TNFAIP8: variants seen among roughly 807,000 people sequenced by gnomAD.
TNFAIP8 encodes tumor necrosis factor alpha-induced protein 8.
A neutral mutation model predicts 13.3 loss-of-function variants in TNFAIP8; 7 were observed. The observed-to-expected ratio is 0.52, with a 90% CI of 0.30 to 0.99. TNFAIP8 has a LOEUF of 0.99. Ranked by LOEUF, TNFAIP8 falls within the 50% of genes least tolerant of loss-of-function variation. The pLI is 0.07. For missense variants in TNFAIP8, 258 were observed against 236.9 expected (o/e 1.09, Z -0.58); for synonymous variants, 94 against 87.6 (o/e 1.07, Z -0.41).
At chr5:119,345,297 A>G (rs1305763839) in intron 1 of TNFAIP8, among the ~76,000 whole-genome samples, 1 of 152,250 alleles carries the variant, frequency 6.6e-6, no homozygotes. Flanking sequence ...ATAAACAAGT[A>G]TTAGCTAGGA....
chr5:119,269,087 C>A (rs1748183816), intron 1 of TNFAIP8, among the ~76,000 whole-genome samples: 1 of 152,208 alleles, frequency 6.6e-6, no homozygotes, highest in African/African-American at 2.4e-5. Flanking sequence ...CGAGTGTGTG[C>A]AGGAGCGCAC....
At chr5:119,301,427 A>T (rs1042951770) in intron 1 of TNFAIP8, among the ~76,000 whole-genome samples, 2 of 152,090 alleles carry the variant, frequency 1.3e-5, no homozygotes, top group African/African-American at 4.8e-5. Flanking sequence ...ATCATCTCCT[A>T]TGGGAAGCCT....
chr5:119,386,107 G>A (rs1169769859), intron 1 of TNFAIP8, among the ~76,000 whole-genome samples: 1 of 152,114 alleles, frequency 6.6e-6, no homozygotes, highest in Non-Finnish European at 1.5e-5. Flanking sequence ...GAACACTAGT[G>A]CATTAAAGGT....
chr5:119,309,238 G>A (rs1420133623), intron 1 of TNFAIP8, among the ~76,000 whole-genome samples: 1 of 152,214 alleles, frequency 6.6e-6, no homozygotes, highest in Non-Finnish European at 1.5e-5. Context: ...AAGATGAAAT[G>A]TGGTCACTTG....
chr5:119,362,495 TC>T (rs1432824039), intron 1 of TNFAIP8, among the ~76,000 whole-genome samples: 1 of 152,120 alleles, frequency 6.6e-6, no homozygotes, highest in African/African-American at 2.4e-5. Flanking sequence ...AAGTTCAGTT[TC>T]CCCATTGGAA....
chr5:119,329,796 C>CA (rs541611657), intron 1 of TNFAIP8, among the ~76,000 whole-genome samples: 41 of 151,680 alleles, frequency 2.7e-4, no homozygotes, highest in East Asian at 1.4e-3. Context: ...AGGATTTCCC[C>CA]AGCCTTGTCT....
intron 1 of TNFAIP8, among the ~76,000 whole-genome samples, chr5:119,271,379 A>G (rs1423773979): frequency 1.3e-5 from 2 of 152,312 alleles, no homozygotes; most frequent in South Asian, 2.1e-4. Flanking sequence ...AATTGATCCA[A>G]TTAATCCTCT....
At chr5:119,301,303 T>A (rs1020065448) in intron 1 of TNFAIP8, among the ~76,000 whole-genome samples, 24 of 152,202 alleles carry the variant, frequency 1.6e-4, no homozygotes, top group Admixed American at 1.5e-3. Context: ...TCTAGAATAT[T>A]CCACAATTCT....
chr5:119,334,673 C>T (rs71585211), intron 1 of TNFAIP8, among the ~76,000 whole-genome samples: 1,861 of 133,446 alleles, frequency 0.014, 18 homozygotes, highest in Middle Eastern at 0.029. Context: ...ACCTGGGAGT[C>T]TGAGGCAGGA....
Position 119,305,884 on chromosome 5 carries a change from A to G in TNFAIP8, c.1+36977A>G, listed in dbSNP as rs186939918. Among the ~76,000 whole-genome samples, 330 of 152,240 alleles carry G rather than the reference A, an allele frequency of 2.2e-3. 3 individuals are homozygous for G. Among genetic ancestry groups the G allele is most frequent in the African/African-American group, 7.3e-3 (305 of 41,558 alleles). Reference sequence around the variant, plus strand: ...ACAGGGTGAGCAACACTGCCCTAAAATCTCCATCCTCTGAGGGCTCTTGAG... The same window carrying G: ...ACAGGGTGAGCAACACTGCCCTAAAGTCTCCATCCTCTGAGGGCTCTTGAG... On this transcript the variant is annotated intron_variant, in intron 1 of 1. Coordinates refer to the TNFAIP8 transcript ENST00000274456.
At chr5:119,268,895 G>A (rs1306188202) in exon 1 of TNFAIP8, 1 of 701,514 alleles carries the variant, frequency 1.4e-6, no homozygotes, top group Admixed American at 2.0e-5. Context: ...GCGCCGTCGC[G>A]CCACTCCTCC....
intron 1 of TNFAIP8, among the ~76,000 whole-genome samples, chr5:119,339,466 T>G (rs898472812): frequency 4.0e-5 from 6 of 151,338 alleles, no homozygotes; most frequent in Non-Finnish European, 7.4e-5. Flanking sequence ...TGTTTTTTTT[T>G]TTTTTTTTTT....
chr5:119,287,996 G>T (rs1389320543), intron 1 of TNFAIP8, among the ~76,000 whole-genome samples: 1 of 152,138 alleles, frequency 6.6e-6, no homozygotes, highest in South Asian at 2.1e-4. Context: ...GCTCTTGTCT[G>T]ATGAGGTGAG....
intron 1 of TNFAIP8, among the ~76,000 whole-genome samples, chr5:119,308,495 T>G (rs1749633266): frequency 6.6e-6 from 1 of 151,356 alleles, no homozygotes; most frequent in African/African-American, 2.4e-5. Context: ...TGCATCAGGG[T>G]TGGCCTTGGG....
At chr5:119,367,774 T>A (rs1042150662) in intron 1 of TNFAIP8, among the ~76,000 whole-genome samples, 7 of 152,186 alleles carry the variant, frequency 4.6e-5, no homozygotes, top group Non-Finnish European at 7.3e-5. Context: ...AGAATAGGTC[T>A]TTGTCACTCA....
chr5:119,302,133 T>C (rs930809377), intron 1 of TNFAIP8, among the ~76,000 whole-genome samples: 3 of 152,226 alleles, frequency 2.0e-5, no homozygotes, highest in Admixed American at 1.3e-4. Flanking sequence ...GGACCATTAT[T>C]TAGTTGTCCT....
intron 1 of TNFAIP8, among the ~76,000 whole-genome samples, chr5:119,389,169 G>A (rs544546523): frequency 6.6e-5 from 10 of 152,262 alleles, no homozygotes; most frequent in Middle Eastern, 3.4e-3. Context: ...AAGGTTGGAA[G>A]GGATGCTATT....
At chr5:119,318,580 G>A (rs1749965543) in intron 1 of TNFAIP8, among the ~76,000 whole-genome samples, 1 of 152,082 alleles carries the variant, frequency 6.6e-6, no homozygotes, top group Non-Finnish European at 1.5e-5. Flanking sequence ...ACAGACATGA[G>A]CCACTGTGCC....
At chr5:119,311,384 A>G (rs1000339023) in intron 1 of TNFAIP8, among the ~76,000 whole-genome samples, 8 of 152,038 alleles carry the variant, frequency 5.3e-5, no homozygotes, top group African/African-American at 1.9e-4. Flanking sequence ...TGAACAGTCA[A>G]ATAAATATTA....
Sources: allele counts gnomAD v4.1 joint callset (sites outside exome capture counted in the v4.1 genomes callset), GRCh38; gene constraint gnomAD v4.1.1; transcripts MANE v1.5; gene names NCBI Gene and HGNC (gene_info 2026-07-23, HGNC 2026-07-21).